The following DHX36 variants were observed in gnomAD, a reference collection of about 807,000 sequenced individuals.
DHX36 encodes the protein ATP-dependent DNA/RNA helicase DHX36.
In DHX36, 50 loss-of-function variants were observed where a neutral mutation model predicts 139.0. The observed-to-expected ratio is 0.36, with a 90% CI of 0.29 to 0.46. The LOEUF (loss-of-function observed/expected upper bound fraction) is 0.46, where lower values mean the gene tolerates loss of function less well. DHX36 is among the 20% of genes least tolerant of loss of function. DHX36 has a pLI of 1.00. For missense variants in DHX36, 1,024 were observed against 1,211.3 expected (o/e 0.85, Z 2.29); for synonymous variants, 425 against 401.9 (o/e 1.06, Z -0.69).
Position 154,300,701 on chromosome 3 carries a change from C to G in DHX36, c.1359-5G>C. 1.3e-6 allele frequency: 2 copies of G among 1,592,590 alleles called. No individual in the cohort carries two copies. The highest frequency in any genetic ancestry group is 1.7e-6 in the Non-Finnish European group (2 of 1,165,694). ...TCTACAGTACTTGCAGAATACCTATCAAAGTTAAACACAAAGTCATGAAAT... is the reference window on the plus strand; with the variant it reads ...TCTACAGTACTTGCAGAATACCTATGAAAGTTAAACACAAAGTCATGAAAT... On this transcript the variant is annotated splice_region_variant and splice_polypyrimidine_tract_variant and intron_variant, in intron 10 of 24. Coordinates refer to ENST00000496811, the MANE Select transcript of DHX36 (RefSeq NM_020865.3).
intron 15 of DHX36, among the ~76,000 whole-genome samples, chr3:154,290,485 C>T (rs985179764): frequency 1.3e-5 from 2 of 151,532 alleles, no homozygotes; most frequent in African/African-American, 4.8e-5. Context: ...AAAAATAATA[C>T]AAAAAATTAG....
At chr3:154,284,557 T>A in intron 19 of DHX36, 26 bp downstream of exon 19, 4 of 1,538,122 alleles carry the variant, frequency 2.6e-6, no homozygotes, top group Non-Finnish European at 2.7e-6. Flanking sequence ...ACTATCATAA[T>A]CCAGGACAAA....
chr3:154,296,332 G>T (rs1215724742), intron 12 of DHX36, among the ~76,000 whole-genome samples: 2 of 152,084 alleles, frequency 1.3e-5, no homozygotes, highest in East Asian at 3.9e-4. Context: ...AACTTAGCTG[G>T]GCGTGTTGGC....
At chr3:154,279,922 T>A (rs1230111096) in intron 22 of DHX36, 2 of 152,198 alleles carry the variant, frequency 1.3e-5, no homozygotes, top group African/African-American at 4.8e-5. Context: ...ATATAGCTGT[T>A]AGAAAACATT....
At chr3:154,301,506 A>G (rs1712278576) in intron 9 of DHX36, among the ~76,000 whole-genome samples, 1 of 151,990 alleles carries the variant, frequency 6.6e-6, no homozygotes. Context: ...TAAAATACAG[A>G]CTCCTAAATC....
chr3:154,305,827 A>T (rs1299855068), intron 6 of DHX36, among the ~76,000 whole-genome samples: 2 of 152,184 alleles, frequency 1.3e-5, no homozygotes, highest in Non-Finnish European at 2.9e-5. Flanking sequence ...CCAGAAAAGG[A>T]CCAACTATGT....
chr3:154,284,068 A>C (rs748570023), intron 19 of DHX36, among the ~76,000 whole-genome samples: 1 of 152,238 alleles, frequency 6.6e-6, no homozygotes, highest in African/African-American at 2.4e-5. Flanking sequence ...CAAAACGGTA[A>C]ATGTAATGAA....
intron 17 of DHX36, among the ~76,000 whole-genome samples, chr3:154,285,290 A>G (rs1711511164): frequency 6.6e-6 from 1 of 152,226 alleles, no homozygotes; most frequent in Admixed American, 6.5e-5. Context: ...AGTTGTAGAA[A>G]CAAACAACAA....
intron 16 of DHX36, 34 bp from the exon 17 acceptor site, chr3:154,288,998 A>G (rs1429626939): frequency 7.5e-6 from 8 of 1,068,162 alleles, no homozygotes; most frequent in Non-Finnish European, 9.3e-6. Context: ...TTAAATACAT[A>G]TAATATTAAT....
intron 15 of DHX36, among the ~76,000 whole-genome samples, chr3:154,291,139 A>C (rs1711792202): frequency 1.1e-5 from 1 of 93,580 alleles, no homozygotes; most frequent in African/African-American, 4.9e-5. Flanking sequence ...CGTCTCAAAA[A>C]AAAAAAAAAA....
At chr3:154,304,522 A>C (rs545675846) in intron 8 of DHX36, among the ~76,000 whole-genome samples, 64 of 152,316 alleles carry the variant, frequency 4.2e-4, no homozygotes, top group African/African-American at 1.5e-3. Flanking sequence ...AACAACAGAA[A>C]GAAGTTTATA....
At position 154,306,246 on chromosome 3, in the gene DHX36, T is replaced by C. The variant is rs776656161; in HGVS notation, c.863A>G (p.Asn288Ser). The C allele has an allele frequency of 5.0e-6, 8 of 1,613,580 alleles. No individual in the cohort carries two copies. Among genetic ancestry groups the C allele is most frequent in the Middle Eastern group, 1.6e-4 (1 of 6,080 alleles). Residue 288 changes from asparagine to serine, a missense_variant, in exon 6 of 25, where the codon AAT becomes AGT. This residue lies in a region of DHX36 where 146 missense variants were observed against 215.0 expected (regional missense o/e 0.68). Transcript: ENST00000496811. ...AERAESCGSG[N>S]STGYQIRLQS... Reference sequence around the variant, plus strand: ...GAGACGAATTTGATATCCAGTACTATTACCACTGCCACAAGATTCTGCCCT... The same window carrying C: ...GAGACGAATTTGATATCCAGTACTACTACCACTGCCACAAGATTCTGCCCT...
intron 1 of DHX36, among the ~76,000 whole-genome samples, chr3:154,318,190 T>C (rs1222176646): frequency 1.3e-5 from 2 of 152,102 alleles, no homozygotes; most frequent in Non-Finnish European, 2.9e-5. Flanking sequence ...ATATGAGAAA[T>C]CAGTGATAAA....
intron 12 of DHX36, among the ~76,000 whole-genome samples, chr3:154,298,924 TAATA>T (rs1559952448): frequency 6.6e-6 from 1 of 151,268 alleles, no homozygotes; most frequent in African/African-American, 2.4e-5. Context: ...AAAAATAAAT[TAATA>T]AATAAATAAT....
intron 4 of DHX36, among the ~76,000 whole-genome samples, chr3:154,310,830 T>TATATGTATATAC (rs1553759639): frequency 2.9e-5 from 1 of 34,862 alleles, no homozygotes; most frequent in Non-Finnish European, 4.5e-5. Flanking sequence ...TATATATATA[T>TATATGTATATAC]ATATATATAT....
chr3:154,310,847 A>G (rs1334148450), intron 4 of DHX36, among the ~76,000 whole-genome samples: 1 of 110,906 alleles, frequency 9.0e-6, no homozygotes, highest in Non-Finnish European at 1.8e-5. Context: ...ATATATATAT[A>G]TATATGTATA....
At chr3:154,307,442 A>G (rs1712546162) in intron 5 of DHX36, among the ~76,000 whole-genome samples, 1 of 152,168 alleles carries the variant, frequency 6.6e-6, no homozygotes, top group African/African-American at 2.4e-5. Context: ...CATCCCCTTA[A>G]AAGGAGGGCA....
rs1296927458 is a variant in DHX36 at position 154,274,416 on chromosome 3, G to C, written c.*1755C>G. ...AAGGGTTTTTATTATATCAACATAAGTCCACATGTAAAGCAGCTCTAGAAT... is the reference window on the plus strand; with the variant it reads ...AAGGGTTTTTATTATATCAACATAACTCCACATGTAAAGCAGCTCTAGAAT... On this transcript the variant is annotated 3_prime_UTR_variant, in exon 25 of 25. Transcript: ENST00000496811. The C allele has an allele frequency of 6.4e-6, 1 of 157,450 alleles. No homozygotes were observed. The highest frequency in any genetic ancestry group is 2.4e-5 in the African/African-American group (1 of 41,480). The allele number at this position is 157,450 out of a possible 1,614,324, so 9.8% of individuals were successfully genotyped here.
At chr3:154,321,699 C>T (rs1169192339) in intron 1 of DHX36, among the ~76,000 whole-genome samples, 3 of 152,214 alleles carry the variant, frequency 2.0e-5, no homozygotes, top group Non-Finnish European at 4.4e-5. Context: ...TGGCTCACGC[C>T]TGTAATCCCA....
Sources: gnomAD v4.1 joint callset for allele counts (sites outside exome capture counted in the v4.1 genomes callset) on GRCh38, gnomAD v4.1.1 for gene constraint, gnomAD v4.1.1 regional missense constraint, MANE v1.5 for transcripts, NCBI Gene and HGNC (gene_info 2026-07-23, HGNC 2026-07-21) for gene names.